The following ZFPM2 variants were observed in gnomAD, a reference collection of about 807,000 sequenced individuals.
ZFPM2 encodes the protein zinc finger protein, FOG family member 2, also known as zinc finger protein ZFPM2.
Under a neutral mutation model 98.6 loss-of-function variants are expected in ZFPM2, and 20 were observed. The ratio of observed to expected loss-of-function variants is 0.20; its 90% CI spans 0.14 to 0.29. The LOEUF (loss-of-function observed/expected upper bound fraction) is 0.29. Among genes scored for constraint, ZFPM2 ranks in the 10% least tolerant of loss-of-function variants. The pLI, the probability that ZFPM2 is intolerant of heterozygous loss-of-function variation, is 1.00. For synonymous variants in ZFPM2, 518 were observed against 502.7 expected, an observed-to-expected ratio of 1.03 and a Z score of -0.41; for missense variants, 1,310 against 1,388.6, an observed-to-expected ratio of 0.94 and a Z score of 0.90.
intron 5 of ZFPM2, among the ~76,000 whole-genome samples, chr8:105,710,689 G>A (rs985697615): frequency 7.4e-6 from 1 of 134,950 alleles, no homozygotes; most frequent in Admixed American, 7.8e-5. Flanking sequence ...GTGTGTGTGT[G>A]TGTGTGTGTG....
chr8:105,792,068 G>GT (rs1296977066), intron 6 of ZFPM2, among the ~76,000 whole-genome samples: 3 of 152,090 alleles, frequency 2.0e-5, no homozygotes, highest in Non-Finnish European at 2.9e-5. Context: ...TTTTTGAAGG[G>GT]TTTTTTGTGT....
intron 1 of ZFPM2, among the ~76,000 whole-genome samples, chr8:105,389,331 G>T (rs1187717032): frequency 6.6e-6 from 1 of 151,940 alleles, no homozygotes; most frequent in Non-Finnish European, 1.5e-5. Flanking sequence ...AATGAAAAGG[G>T]ACCAATGACA....
chr8:105,558,946 G>A (rs1218560652), intron 3 of ZFPM2, among the ~76,000 whole-genome samples: 1 of 151,992 alleles, frequency 6.6e-6, no homozygotes, highest in Non-Finnish European at 1.5e-5. Context: ...AGAACTCCTA[G>A]CCAATAGAAA....
At chr8:105,614,252 G>A (rs1161433019) in intron 4 of ZFPM2, among the ~76,000 whole-genome samples, 1 of 152,058 alleles carries the variant, frequency 6.6e-6, no homozygotes, top group Admixed American at 6.6e-5. Context: ...TTAAGTATGA[G>A]CATGTTGCAT....
At chr8:105,526,686 C>G (rs78017279) in intron 3 of ZFPM2, among the ~76,000 whole-genome samples, 1 of 152,050 alleles carries the variant, frequency 6.6e-6, no homozygotes, top group African/African-American at 2.4e-5. Context: ...TGATGGAAAA[C>G]GAAATCTGTA....
At chr8:105,404,502 G>A (rs1009728312) in intron 1 of ZFPM2, among the ~76,000 whole-genome samples, 7 of 151,952 alleles carry the variant, frequency 4.6e-5, no homozygotes, top group Admixed American at 2.0e-4. Context: ...AACTCAGCAC[G>A]TATGAATCTG....
chr8:105,521,401 AGGGGGGAG>A (rs140233670), intron 3 of ZFPM2, among the ~76,000 whole-genome samples: 60,144 of 129,208 alleles, frequency 0.47, 14,743 homozygotes, highest in African/African-American at 0.73. Context: ...AAATATATTA[AGGGGGGAG>A]GGGGGGAGGG....
At chr8:105,681,628 G>A (rs1474931059) in intron 5 of ZFPM2, among the ~76,000 whole-genome samples, 3 of 152,088 alleles carry the variant, frequency 2.0e-5, no homozygotes, top group Admixed American at 6.6e-5. Flanking sequence ...TAACTACCTT[G>A]TGGTGTTGTA....
chr8:105,327,641 A>T (rs1398153399), intron 1 of ZFPM2, among the ~76,000 whole-genome samples: 1 of 151,760 alleles, frequency 6.6e-6, no homozygotes, highest in Non-Finnish European at 1.5e-5. Flanking sequence ...GTAAATAAAA[A>T]ATACACTCAA....
At chr8:105,584,759 T>TA (rs2130750362) in intron 4 of ZFPM2, among the ~76,000 whole-genome samples, 1 of 152,276 alleles carries the variant, frequency 6.6e-6, no homozygotes, top group Non-Finnish European at 1.5e-5. Context: ...GACAATGTCT[T>TA]AAAAAATATG....
chr8:105,750,630 T>C (rs988138236), intron 5 of ZFPM2, among the ~76,000 whole-genome samples: 13 of 152,066 alleles, frequency 8.5e-5, no homozygotes, highest in African/African-American at 2.9e-4. Context: ...CCATGTACTC[T>C]GTATGTCTGT....
chr8:105,406,608 T>C (rs1302516018), intron 1 of ZFPM2, among the ~76,000 whole-genome samples: 1 of 151,972 alleles, frequency 6.6e-6, no homozygotes, highest in Non-Finnish European at 1.5e-5. Flanking sequence ...ACTTGACCCT[T>C]CTCAGGTTTA....
intron 2 of ZFPM2, among the ~76,000 whole-genome samples, chr8:105,420,423 C>T (rs1190540569): frequency 6.6e-6 from 1 of 152,056 alleles, no homozygotes; most frequent in South Asian, 2.1e-4. Flanking sequence ...AGTCAGCTCC[C>T]ATCCCTGTGG....
chr8:105,619,743 T>C (rs147257669), intron 4 of ZFPM2, among the ~76,000 whole-genome samples: 30,261 of 150,416 alleles, frequency 0.2, 3,094 homozygotes, highest in South Asian at 0.25. Context: ...CAAGTGTTCT[T>C]GTTGTTCAGT....
At chr8:105,592,610 C>T (rs1481719768) in intron 4 of ZFPM2, among the ~76,000 whole-genome samples, 1 of 152,004 alleles carries the variant, frequency 6.6e-6, no homozygotes, top group Non-Finnish European at 1.5e-5. Flanking sequence ...TATGCACACA[C>T]ATATATTAAT....
At chr8:105,688,179 A>G (rs1009031073) in intron 5 of ZFPM2, among the ~76,000 whole-genome samples, 1 of 152,158 alleles carries the variant, frequency 6.6e-6, no homozygotes, top group African/African-American at 2.4e-5. Flanking sequence ...GCCTATAAAT[A>G]TGGCTAATGG....
chr8:105,349,514 T>C (rs1812603591), intron 1 of ZFPM2, among the ~76,000 whole-genome samples: 1 of 152,206 alleles, frequency 6.6e-6, no homozygotes, highest in South Asian at 2.1e-4. Flanking sequence ...ATCCAGTAAC[T>C]CTGTTTTACT....
chr8:105,483,175 G>GAAAT (rs1045639567), intron 3 of ZFPM2, among the ~76,000 whole-genome samples: 1 of 150,192 alleles, frequency 6.7e-6, no homozygotes, highest in Non-Finnish European at 1.5e-5. Context: ...GTAATTTCTT[G>GAAAT]AAATAAATTA....
intron 3 of ZFPM2, among the ~76,000 whole-genome samples, chr8:105,473,933 A>G (rs565933223): frequency 7.3e-4 from 111 of 152,334 alleles, no homozygotes; most frequent in African/African-American, 2.5e-3. Context: ...CATTGACTCT[A>G]TGGTTTAGTT....
Sources: allele counts gnomAD v4.1 joint callset (sites outside exome capture counted in the v4.1 genomes callset), GRCh38; gene constraint gnomAD v4.1.1; transcripts MANE v1.5; gene names NCBI Gene and HGNC (gene_info 2026-07-23, HGNC 2026-07-21).